HNF4G: variants seen among roughly 807,000 people sequenced by gnomAD.
HNF4G encodes hepatocyte nuclear factor 4-gamma.
In HNF4G, 21 loss-of-function variants were observed where a neutral mutation model predicts 50.9. That is an observed-to-expected ratio of 0.41 (90% CI 0.29 to 0.59). The LOEUF (loss-of-function observed/expected upper bound fraction) is 0.59, where lower values mean the gene tolerates loss of function less well. Ranked by LOEUF, HNF4G falls within the 20% of genes least tolerant of loss-of-function variation. HNF4G has a pLI of 0.26. For synonymous variants in HNF4G, 198 were observed against 185.6 expected, an observed-to-expected ratio of 1.07 and a Z score of -0.54; for missense variants, 527 against 559.4, an observed-to-expected ratio of 0.94 and a Z score of 0.58.
At chr8:75,537,561 T>C (rs914328914), upstream of HNF4G, among the ~76,000 whole-genome samples, 1 of 151,764 alleles carries the variant, frequency 6.6e-6, no homozygotes, top group Non-Finnish European at 1.5e-5. Context: ...ACTTTTTTTT[T>C]CCTCCACTAT....
At chr8:75,429,152 C>T (rs1563502587) in intron 1 of HNF4G, among the ~76,000 whole-genome samples, 1 of 152,042 alleles carries the variant, frequency 6.6e-6, no homozygotes, top group African/African-American at 2.4e-5. Context: ...TGGTGGTACC[C>T]ATCACAGAGA....
At chr8:75,542,502 A>G (rs1806652798) in intron 1 of HNF4G, among the ~76,000 whole-genome samples, 1 of 147,768 alleles carries the variant, frequency 6.8e-6, no homozygotes, top group South Asian at 2.4e-4. Flanking sequence ...CAGGTGAACA[A>G]GTTCTGAGAT....
intron 1 of HNF4G, among the ~76,000 whole-genome samples, chr8:75,449,483 T>A (rs1811522957): frequency 6.6e-6 from 1 of 150,576 alleles, no homozygotes. Flanking sequence ...ATATGCATTA[T>A]CTCAGTAATA....
intron 2 of HNF4G, among the ~76,000 whole-genome samples, chr8:75,522,639 A>C (rs1434611944): frequency 6.6e-6 from 1 of 152,172 alleles, no homozygotes; most frequent in Non-Finnish European, 1.5e-5. Flanking sequence ...TAGTCACTAC[A>C]TGCAGTAGCA....
chr8:75,554,458 T>C lies in HNF4G; in HGVS notation c.645+1261T>C, dbSNP rs557397955. Among the ~76,000 whole-genome samples, 4 of 152,306 alleles carry C rather than the reference T, an allele frequency of 2.6e-5. No individual in the cohort carries two copies. In the East Asian group the frequency reaches 7.7e-4, roughly 29 times the overall value. ...GCCACAAATTAGTAAATGTCTGTTATGAATAAGGCATGGGAAATTAGCTTT... is the reference window on the plus strand; with the variant it reads ...GCCACAAATTAGTAAATGTCTGTTACGAATAAGGCATGGGAAATTAGCTTT... On this transcript the variant is annotated intron_variant, in intron 5 of 9. Transcript: ENST00000396423.
At chr8:75,423,552 C>A (rs1354561763) in intron 1 of HNF4G, among the ~76,000 whole-genome samples, 1 of 151,568 alleles carries the variant, frequency 6.6e-6, no homozygotes, top group Non-Finnish European at 1.5e-5. Context: ...CTACGCCTGG[C>A]TAATTTTTTT....
intron 1 of HNF4G, among the ~76,000 whole-genome samples, chr8:75,448,479 G>A (rs891648155): frequency 1.2e-3 from 62 of 49,738 alleles, no homozygotes; most frequent in Middle Eastern, 0.022. Flanking sequence ...TTAAATAAAA[G>A]ACCTCTTTAA....
chr8:75,505,775 A>G (rs1221654902), intron 2 of HNF4G, among the ~76,000 whole-genome samples: 1 of 152,004 alleles, frequency 6.6e-6, no homozygotes, highest in African/African-American at 2.4e-5. Flanking sequence ...ATCATCTGAG[A>G]AAGAATGTAA....
In HNF4G at chr8:75,476,603, T is replaced by A. The variant is rs58030491; in HGVS notation, c.-143-13486T>A. Among the ~76,000 whole-genome samples the A allele has an allele frequency of 4.9e-3, 748 of 152,338 alleles. 4 individuals are homozygous for A. The highest frequency in any genetic ancestry group is 0.017 in the African/African-American group (709 of 41,568). On this transcript the variant is annotated intron_variant, in intron 1 of 10. Coordinates refer to the HNF4G transcript ENST00000354370. ...GAAGATAACGTAATACAAACATAGT[T>A]TTTAAAATTTGTTGTTGTTTTGTTT...
chr8:75,458,666 A>C (rs1811779685), intron 1 of HNF4G, among the ~76,000 whole-genome samples: 1 of 152,138 alleles, frequency 6.6e-6, no homozygotes. Context: ...ATGTGAATTG[A>C]ATTTACGCCT....
chr8:75,542,194 A>G (rs1200322445), intron 1 of HNF4G, among the ~76,000 whole-genome samples: 2 of 151,998 alleles, frequency 1.3e-5, no homozygotes, highest in East Asian at 3.9e-4. Flanking sequence ...AGCCCCAACT[A>G]CTCGGGAGGC....
chr8:75,430,840 A>G (rs1014209053), intron 1 of HNF4G, among the ~76,000 whole-genome samples: 18 of 152,330 alleles, frequency 1.2e-4, no homozygotes, highest in Admixed American at 2.0e-4. Flanking sequence ...TACAAACAGA[A>G]TAGAACATCT....
chr8:75,409,434 A>G (rs1475642182), intron 1 of HNF4G, among the ~76,000 whole-genome samples: 2 of 150,740 alleles, frequency 1.3e-5, no homozygotes, highest in Non-Finnish European at 3.0e-5. Flanking sequence ...TTAAAAAAAA[A>G]TACTCCTCAT....
intron 1 of HNF4G, among the ~76,000 whole-genome samples, chr8:75,425,960 T>G (rs1810882444): frequency 6.6e-6 from 1 of 152,230 alleles, no homozygotes; most frequent in African/African-American, 2.4e-5. Context: ...TAATATTAGT[T>G]TTTTAAGGTA....
intron 2 of HNF4G, among the ~76,000 whole-genome samples, chr8:75,522,758 A>T (rs1443341322): frequency 6.6e-6 from 1 of 152,170 alleles, no homozygotes; most frequent in African/African-American, 2.4e-5. Context: ...TAGCCGCCTG[A>T]TGATTTCTCT....
At chr8:75,425,848 T>G (rs1338592464) in intron 1 of HNF4G, among the ~76,000 whole-genome samples, 1 of 152,114 alleles carries the variant, frequency 6.6e-6, no homozygotes, top group Non-Finnish European at 1.5e-5. Context: ...AAAGCTGTCT[T>G]GAACATAGTT....
At chr8:75,525,574 C>T (rs1806155522) in intron 2 of HNF4G, among the ~76,000 whole-genome samples, 1 of 152,172 alleles carries the variant, frequency 6.6e-6, no homozygotes, top group Non-Finnish European at 1.5e-5. Context: ...TGACACCTCA[C>T]CTCTAAGCCA....
chr8:75,536,935 G>C (rs912321333), upstream of HNF4G, among the ~76,000 whole-genome samples: 1 of 151,878 alleles, frequency 6.6e-6, no homozygotes, highest in East Asian at 1.9e-4. Flanking sequence ...AGGAAGATTG[G>C]TTATAAAGAG....
chr8:75,408,869 C>T (rs2926603), intron 1 of HNF4G, among the ~76,000 whole-genome samples: 74,174 of 152,030 alleles, frequency 0.49, 18,379 homozygotes, highest in Middle Eastern at 0.57. Context: ...ACTAAACACT[C>T]ATTGAGAGCA....
Sources: allele counts gnomAD v4.1 joint callset (sites outside exome capture counted in the v4.1 genomes callset), GRCh38; gene constraint gnomAD v4.1.1; transcripts MANE v1.5; gene names NCBI Gene and HGNC (gene_info 2026-07-23, HGNC 2026-07-21).